KICS2: variants seen among roughly 807,000 people sequenced by gnomAD.
KICS2 encodes the protein KICSTOR subunit 2, also known as KICSTOR complex protein C12orf66.
Under a neutral mutation model 31.4 loss-of-function variants are expected in KICS2, and 13 were observed. That is an observed-to-expected ratio of 0.41 (90% CI 0.27 to 0.66). The LOEUF (loss-of-function observed/expected upper bound fraction) is 0.66, where lower values mean the gene tolerates loss of function less well. Ranked by LOEUF, KICS2 falls within the 30% of genes least tolerant of loss-of-function variation. The pLI is 0.28. For missense variants in KICS2, 455 were observed against 545.4 expected, an observed-to-expected ratio of 0.83 and a Z score of 1.65; for synonymous variants, 209 against 214.8, an observed-to-expected ratio of 0.97 and a Z score of 0.24.
chr12:64,212,936 A>G (rs1252789870), intron 2 of KICS2, among the ~76,000 whole-genome samples: 1 of 151,940 alleles, frequency 6.6e-6, no homozygotes, highest in Non-Finnish European at 1.5e-5. Flanking sequence ...CCAAAAATGC[A>G]AAAAATTAGC....
At chr12:64,205,597 GA>G (rs2037528580) in intron 2 of KICS2, among the ~76,000 whole-genome samples, 1 of 144,826 alleles carries the variant, frequency 6.9e-6, no homozygotes. Flanking sequence ...CTGCTCTAAG[GA>G]AAGGAGGGAA....
chr12:64,213,154 C>T (rs2037599434), intron 2 of KICS2, among the ~76,000 whole-genome samples: 1 of 151,542 alleles, frequency 6.6e-6, no homozygotes, highest in Admixed American at 6.6e-5. Flanking sequence ...TTTACCCAAC[C>T]ATCTTATGCT....
chr12:64,197,877 G>GATCA (rs2037456086), intron 2 of KICS2, among the ~76,000 whole-genome samples: 1 of 139,166 alleles, frequency 7.2e-6, no homozygotes, highest in Admixed American at 7.1e-5. Flanking sequence ...ATGGTAAAGG[G>GATCA]ATCAATTCAA....
chr12:64,217,813 GAAGAA>G lies in KICS2; in HGVS notation c.236-1855_236-1851del, dbSNP rs377433656. Among the ~76,000 whole-genome samples the G allele has an allele frequency of 1.6e-3, 204 of 128,302 alleles. 5 individuals carry two copies. In the South Asian group the frequency reaches 0.037, roughly 23 times the overall value. The allele number at this position is 128,302 out of a possible 152,430, so 84.2% of individuals were successfully genotyped here. ...AAGACTCCATCAAAAGAAAAGAAAA[GAAGAA>G]AAGAAAAGAAAAGAAAGAAGGAAGG... On this transcript the variant is annotated intron_variant, in intron 1 of 2. Coordinates refer to ENST00000398055, the MANE Select transcript of KICS2 (RefSeq NM_152440.5).
chr12:64,201,253 C>T (rs2037484898), intron 2 of KICS2, among the ~76,000 whole-genome samples: 2 of 135,932 alleles, frequency 1.5e-5, no homozygotes, highest in African/African-American at 2.9e-5. Flanking sequence ...GGCACATATA[C>T]ACCATGGAAT....
chr12:64,211,004 A>G (rs1224310039), intron 2 of KICS2, among the ~76,000 whole-genome samples: 1 of 152,140 alleles, frequency 6.6e-6, no homozygotes, highest in South Asian at 2.1e-4. Flanking sequence ...TTCTGGGCAC[A>G]CTAAATTTTA....
At chr12:64,212,396 G>A (rs185108107) in intron 2 of KICS2, among the ~76,000 whole-genome samples, 37 of 152,210 alleles carry the variant, frequency 2.4e-4, no homozygotes, top group African/African-American at 7.9e-4. Context: ...CCTGTTCTGG[G>A]TATTTCGCAT....
downstream of KICS2, among the ~76,000 whole-genome samples, chr12:64,188,432 G>A (rs2037356266): frequency 6.6e-6 from 1 of 152,090 alleles, no homozygotes; most frequent in Non-Finnish European, 1.5e-5. Flanking sequence ...GCTGAGGCAC[G>A]AGAATTGCTT....
intron 2 of KICS2, among the ~76,000 whole-genome samples, chr12:64,195,741 C>T (rs1309991771): frequency 6.6e-6 from 1 of 152,248 alleles, no homozygotes; most frequent in Non-Finnish European, 1.5e-5. Context: ...CCAGTGGGTG[C>T]ACGCACCGTG....
At chr12:64,208,173 C>T (rs193256334) in intron 2 of KICS2, among the ~76,000 whole-genome samples, 1 of 152,214 alleles carries the variant, frequency 6.6e-6, no homozygotes, top group East Asian at 1.9e-4. Context: ...CCACAGCTGT[C>T]GATTTTTGTA....
At chr12:64,200,212 G>A (rs1429435965) in intron 2 of KICS2, among the ~76,000 whole-genome samples, 22 of 115,290 alleles carry the variant, frequency 1.9e-4, no homozygotes, top group East Asian at 2.6e-4. Flanking sequence ...TATACTACAA[G>A]GCTACAGTAA....
At chr12:64,194,908 A>G (rs1411396333) in intron 2 of KICS2, among the ~76,000 whole-genome samples, 1 of 151,708 alleles carries the variant, frequency 6.6e-6, no homozygotes, top group East Asian at 1.9e-4. Context: ...TCCTTTCAAC[A>G]ACAGGAATAC....
intron 2 of KICS2, 55 bp from the exon 3 acceptor site, chr12:64,194,713 T>A (rs2037416531): frequency 6.6e-7 from 1 of 1,517,994 alleles, no homozygotes; most frequent in Non-Finnish European, 8.8e-7. Context: ...CTTGCCACAC[T>A]GACATTTTTC....
intron 1 of KICS2, among the ~76,000 whole-genome samples, chr12:64,216,599 G>T (rs1164386346): frequency 6.6e-6 from 1 of 152,102 alleles, no homozygotes; most frequent in Non-Finnish European, 1.5e-5. Flanking sequence ...CTCTTGACAA[G>T]GTTGACACTA....
At chr12:64,190,480 C>A (rs1471848635), downstream of KICS2, among the ~76,000 whole-genome samples, 1 of 152,140 alleles carries the variant, frequency 6.6e-6, no homozygotes, top group Non-Finnish European at 1.5e-5. Context: ...CTAGAAAGTA[C>A]ATTTTCTGCT....
In KICS2 at chr12:64,193,959, A is replaced by G. The variant is rs2037406425; in HGVS notation, c.1221T>C (p.Ile407=). 7 of 1,614,212 alleles carry G rather than the reference A, an allele frequency of 4.3e-6. No homozygotes were observed. Among genetic ancestry groups the G allele is most frequent in the Non-Finnish European group, 5.9e-6 (7 of 1,180,028 alleles). ...CTCTCTCAGATTTCTTTGACTCAAA[A>G]ATGATGACAATGGTAAAGTGAGGTT... ...RPEPHFTIVI[I]FESKKSERDS... The change falls in exon 3 of 3, where the codon ATT becomes ATC. Residue 407 remains isoleucine (I), a synonymous_variant. Coordinates refer to ENST00000398055, the MANE Select transcript of KICS2 (RefSeq NM_152440.5).
At chr12:64,203,684 G>C (rs1387332443) in intron 2 of KICS2, among the ~76,000 whole-genome samples, 1 of 151,960 alleles carries the variant, frequency 6.6e-6, no homozygotes, top group African/African-American at 2.4e-5. Flanking sequence ...AATCACAAGT[G>C]TATCTAGAAT....
At chr12:64,187,498 T>G, downstream of KICS2, 1 of 781,306 alleles carries the variant, frequency 1.3e-6, no homozygotes, top group Non-Finnish European at 2.1e-6. Context: ...AGACAAGGCA[T>G]TAATGAAACC....
intron 2 of KICS2, among the ~76,000 whole-genome samples, chr12:64,210,198 C>T (rs2136701819): frequency 6.6e-6 from 1 of 152,318 alleles, no homozygotes; most frequent in South Asian, 2.1e-4. Flanking sequence ...TAATTTAGAT[C>T]ATTTTCAGGC....
Sources: gnomAD v4.1 joint callset for allele counts (sites outside exome capture counted in the v4.1 genomes callset) on GRCh38, gnomAD v4.1.1 for gene constraint, MANE v1.5 for transcripts, NCBI Gene and HGNC (gene_info 2026-07-23, HGNC 2026-07-21) for gene names.